The following NRG1 variants were observed in gnomAD, a reference collection of about 807,000 sequenced individuals.
NRG1 encodes the protein pro-neuregulin-1, membrane-bound isoform.
Under a neutral mutation model 63.8 loss-of-function variants are expected in NRG1, and 18 were observed. That is an observed-to-expected ratio of 0.28 (90% CI 0.19 to 0.42). The LOEUF is 0.42. NRG1 is among the 10% of genes least tolerant of loss of function. The pLI is 1.00. For synonymous variants in NRG1, 302 were observed against 301.3 expected, an observed-to-expected ratio of 1.00 and a Z score of -0.02; for missense variants, 762 against 814.7, an observed-to-expected ratio of 0.94 and a Z score of 0.79.
At chr8:32,063,013 A>T (rs1824144246) in intron 1 of NRG1, 1 of 152,136 alleles carries the variant, frequency 6.6e-6, no homozygotes, top group Non-Finnish European at 1.5e-5. Flanking sequence ...ACTGTATGTA[A>T]TAAAAGCTAT....
In NRG1 at chr8:32,460,398, C is replaced by T. The variant is rs112817951; in HGVS notation, c.38-135430C>T. 6.9e-3 allele frequency among the ~76,000 whole-genome samples: 1,053 copies of T among 152,274 alleles called. 15 individuals are homozygous for T. Among genetic ancestry groups the T allele is most frequent in the African/African-American group, 0.024 (1,017 of 41,546 alleles). On this transcript the variant is annotated intron_variant, in intron 1 of 10. Transcript: ENST00000519301. ...TGTAAGCATTAAGATTGACTGTACACGACCTGTTAAAACCATTTTCTGGGA... is the reference window on the plus strand; with the variant it reads ...TGTAAGCATTAAGATTGACTGTACATGACCTGTTAAAACCATTTTCTGGGA...
At chr8:31,796,937 T>A (rs912496663) in intron 1 of NRG1, among the ~76,000 whole-genome samples, 2 of 152,210 alleles carry the variant, frequency 1.3e-5, no homozygotes, top group South Asian at 2.1e-4. Flanking sequence ...GTTTGCAAGA[T>A]CAGTGATTAT....
At chr8:31,944,452 C>A (rs1585959520) in intron 1 of NRG1, among the ~76,000 whole-genome samples, 1 of 152,200 alleles carries the variant, frequency 6.6e-6, no homozygotes, top group Admixed American at 6.5e-5. Context: ...TGCTGGGATT[C>A]AACTCTAGAC....
intron 1 of NRG1, among the ~76,000 whole-genome samples, chr8:31,699,594 C>T (rs930866218): frequency 2.0e-5 from 3 of 152,140 alleles, no homozygotes; most frequent in Non-Finnish European, 2.9e-5. Flanking sequence ...CTGAGTCTTT[C>T]TTTCTGAGAA....
intron 1 of NRG1, among the ~76,000 whole-genome samples, chr8:31,952,869 G>A (rs1803698899): frequency 6.6e-6 from 1 of 152,176 alleles, no homozygotes; most frequent in Admixed American, 6.5e-5. Flanking sequence ...GATTCATAAA[G>A]TCATGAGATA....
At chr8:32,631,642 TC>T (rs1044295683) in intron 5 of NRG1, among the ~76,000 whole-genome samples, 16 of 152,252 alleles carry the variant, frequency 1.1e-4, no homozygotes, top group African/African-American at 3.6e-4. Context: ...AGAACCTGAG[TC>T]CATGACATAT....
At position 31,704,027 on chromosome 8, in the gene NRG1, A is replaced by G. The variant is rs117813190; in HGVS notation, c.37+64596A>G. Among the ~76,000 whole-genome samples, 627 of 152,306 alleles carry G rather than the reference A, an allele frequency of 4.1e-3. 2 individuals are homozygous for G. Among genetic ancestry groups the G allele is most frequent in the South Asian group, 0.027 (128 of 4,826 alleles). Reference sequence around the variant, plus strand: ...GCTACCCTACTTAAATGAATCTCCAATGCTTCCTAATTGTTACTTCTTGGC... The same window carrying G: ...GCTACCCTACTTAAATGAATCTCCAGTGCTTCCTAATTGTTACTTCTTGGC... On this transcript the variant is annotated intron_variant, in intron 1 of 10. Transcript: ENST00000519301.
intron 1 of NRG1, among the ~76,000 whole-genome samples, chr8:31,799,738 G>T (rs1821576086): frequency 6.6e-6 from 1 of 151,804 alleles, no homozygotes; most frequent in South Asian, 2.1e-4. Context: ...ATAGATATAT[G>T]TACGCCTGTA....
At chr8:32,145,518 A>C (rs769649300) in intron 1 of NRG1, among the ~76,000 whole-genome samples, 4 of 152,206 alleles carry the variant, frequency 2.6e-5, no homozygotes, top group Non-Finnish European at 5.9e-5. Context: ...ACCATGTATG[A>C]TCATGGTATA....
At chr8:32,525,895 C>T (rs576125077) in intron 1 of NRG1, among the ~76,000 whole-genome samples, 24 of 152,234 alleles carry the variant, frequency 1.6e-4, no homozygotes, top group Admixed American at 8.5e-4. Context: ...ATCAGCTGCC[C>T]ATCTGATAAA....
chr8:32,620,521 G>GAAA (rs57462564), intron 5 of NRG1, among the ~76,000 whole-genome samples: 1 of 122,202 alleles, frequency 8.2e-6, no homozygotes, highest in Non-Finnish European at 1.7e-5. Flanking sequence ...TGGATTAGAA[G>GAAA]AAAAAAAAAA....
At chr8:31,855,556 C>G (rs1489322993) in intron 1 of NRG1, among the ~76,000 whole-genome samples, 1 of 152,140 alleles carries the variant, frequency 6.6e-6, no homozygotes, top group African/African-American at 2.4e-5. Flanking sequence ...TGGGTCTTGA[C>G]TTTTTATCCA....
At chr8:32,755,025 A>C (rs1045671302) in intron 8 of NRG1, among the ~76,000 whole-genome samples, 6 of 152,044 alleles carry the variant, frequency 3.9e-5, no homozygotes, top group African/African-American at 1.5e-4. Context: ...AGTTATAGTG[A>C]TTATTATTAT....
At chr8:31,754,070 A>G (rs1023286463) in intron 1 of NRG1, among the ~76,000 whole-genome samples, 4 of 152,104 alleles carry the variant, frequency 2.6e-5, no homozygotes, top group African/African-American at 9.7e-5. Flanking sequence ...GTATGAAAAT[A>G]TGCACCCAGA....
intron 1 of NRG1, among the ~76,000 whole-genome samples, chr8:32,525,694 T>C (rs1204676106): frequency 6.6e-6 from 1 of 152,182 alleles, no homozygotes; most frequent in Non-Finnish European, 1.5e-5. Flanking sequence ...GTATATACTT[T>C]AATTCATTCC....
intron 1 of NRG1, among the ~76,000 whole-genome samples, chr8:32,278,346 A>G (rs780144460): frequency 3.3e-5 from 5 of 152,192 alleles, no homozygotes; most frequent in Non-Finnish European, 7.4e-5. Flanking sequence ...AGAAACCCCA[A>G]TCTTCAAAAA....
At chr8:31,893,950 G>A (rs1332050505) in intron 1 of NRG1, among the ~76,000 whole-genome samples, 1 of 152,018 alleles carries the variant, frequency 6.6e-6, no homozygotes, top group African/African-American at 2.4e-5. Context: ...TAAGAATATT[G>A]TTATGCAGAT....
intron 1 of NRG1, among the ~76,000 whole-genome samples, chr8:32,168,012 T>C (rs1839583794): frequency 6.6e-6 from 1 of 152,194 alleles, no homozygotes; most frequent in Non-Finnish European, 1.5e-5. Context: ...CTTTATCTAG[T>C]AATTTCATTT....
intron 1 of NRG1, among the ~76,000 whole-genome samples, chr8:32,205,501 A>G: frequency 6.6e-6 from 1 of 152,204 alleles, no homozygotes; most frequent in East Asian, 1.9e-4. Flanking sequence ...GTGTTCACCA[A>G]AATCCTGCTC....
Sources: gnomAD v4.1 joint callset for allele counts (sites outside exome capture counted in the v4.1 genomes callset) on GRCh38, gnomAD v4.1.1 for gene constraint, MANE v1.5 for transcripts, NCBI Gene and HGNC (gene_info 2026-07-23, HGNC 2026-07-21) for gene names.